Variants in SLIRP observed in about 807,000 individuals in gnomAD.
SLIRP encodes SRA stem-loop-interacting RNA-binding protein, mitochondrial.
Under a neutral mutation model 13.4 loss-of-function variants are expected in SLIRP, and 12 were observed. The ratio of observed to expected loss-of-function variants is 0.89; its 90% confidence interval spans 0.57 to 1.45. The LOEUF (loss-of-function observed/expected upper bound fraction) is 1.45. Among genes scored for constraint, SLIRP ranks in the 40% most tolerant of loss-of-function variants. The pLI, the probability that SLIRP is intolerant of heterozygous loss-of-function variation, is 0.00. For synonymous variants in SLIRP, 55 were observed against 47.1 expected (o/e 1.17, Z -0.69); for missense variants, 154 against 132.2 (o/e 1.17, Z -0.81).
chr14:77,709,331 T>TAG (rs2080422062), intron 1 of SLIRP, among the ~76,000 whole-genome samples: 1 of 152,224 alleles, frequency 6.6e-6, no homozygotes, highest in Non-Finnish European at 1.5e-5. Context: ...TAGTTTCTTC[T>TAG]AAGTTTTTAG....
At chr14:77,708,771 G>A (rs1428349080) in intron 1 of SLIRP, among the ~76,000 whole-genome samples, 2 of 152,180 alleles carry the variant, frequency 1.3e-5, no homozygotes, top group African/African-American at 2.4e-5. Context: ...AAGAGAAGAT[G>A]AGTAAAGTTT....
intron 1 of SLIRP, among the ~76,000 whole-genome samples, chr14:77,710,199 A>G (rs1333762302): frequency 6.6e-6 from 1 of 152,218 alleles, no homozygotes; most frequent in Non-Finnish European, 1.5e-5. Context: ...GTACTGTGAT[A>G]GGAGCCCAAT....
At chr14:77,715,017 G>A (rs140441754) in intron 2 of SLIRP, among the ~76,000 whole-genome samples, 9 of 152,128 alleles carry the variant, frequency 5.9e-5, no homozygotes, top group Middle Eastern at 3.4e-3. Flanking sequence ...GTTGAGTAAG[G>A]GCTAAATATT....
At chr14:77,716,812 A>G (rs965619296) in intron 3 of SLIRP, among the ~76,000 whole-genome samples, 1 of 151,946 alleles carries the variant, frequency 6.6e-6, no homozygotes, top group Non-Finnish European at 1.5e-5. Flanking sequence ...CCCAGGCTAG[A>G]GTGCAATGGT....
At chr14:77,715,939 G>A (rs2080474110) in intron 3 of SLIRP, 60 bp downstream of exon 3, 31 of 1,224,610 alleles carry the variant, frequency 2.5e-5, no homozygotes, top group Non-Finnish European at 3.6e-5. Flanking sequence ...ATTTAATTAT[G>A]TATCAATTAA....
intron 3 of SLIRP, among the ~76,000 whole-genome samples, chr14:77,717,071 C>T (rs572235664): frequency 1.3e-5 from 2 of 152,304 alleles, no homozygotes; most frequent in African/African-American, 4.8e-5. Context: ...GGCCAGCAGT[C>T]TGCTTTTCAG....
intron 2 of SLIRP, among the ~76,000 whole-genome samples, chr14:77,713,189 T>G (rs2080453947): frequency 6.6e-6 from 1 of 152,212 alleles, no homozygotes; most frequent in Non-Finnish European, 1.5e-5. Flanking sequence ...ATTTTCTTTT[T>G]TAGATTTATA....
intron 1 of SLIRP, 65 bp from the exon 2 acceptor site, chr14:77,710,773 C>T: frequency 1.2e-6 from 2 of 1,602,748 alleles, no homozygotes; most frequent in Non-Finnish European, 1.7e-6. Flanking sequence ...CCCTGTCTTT[C>T]TACAGTCTAA....
At chr14:77,717,108 G>C (rs17106259) in intron 3 of SLIRP, among the ~76,000 whole-genome samples, 18,696 of 152,048 alleles carry the variant, frequency 0.12, 1,473 homozygotes, top group African/African-American at 0.22. Flanking sequence ...CTGAAATCTT[G>C]GCTTACCCAC....
chr14:77,710,561 T>G (rs924667962), intron 1 of SLIRP: 3 of 1,447,768 alleles, frequency 2.1e-6, no homozygotes, highest in African/African-American at 2.8e-5. Flanking sequence ...ACAGGGATCA[T>G]AGTCCACATA....
At chr14:77,709,560 T>G (rs951156547) in intron 1 of SLIRP, among the ~76,000 whole-genome samples, 2 of 152,236 alleles carry the variant, frequency 1.3e-5, no homozygotes, top group Non-Finnish European at 2.9e-5. Flanking sequence ...ATGTACAGCT[T>G]CGAAACAGTT....
rs113722412 is a variant in SLIRP, at chr14:77,712,436, G to T, written c.156+1540G>T. ...CTACAGGCATGCGCCACCACGACCGGCTAATTTTTTTTTTTTTTTTTTTTT... is the reference window on the plus strand; with the variant it reads ...CTACAGGCATGCGCCACCACGACCGTCTAATTTTTTTTTTTTTTTTTTTTT... On this transcript the variant is annotated intron_variant, in intron 2 of 3. Transcript: ENST00000557342. Among the ~76,000 whole-genome samples, 774 of 128,566 alleles carry T rather than the reference G, an allele frequency of 6.0e-3. 10 individuals are homozygous for T. Among genetic ancestry groups the T allele is most frequent in the Non-Finnish European group, 7.7e-3 (487 of 63,304 alleles). The allele number at this position is 128,566 out of a possible 152,430, so 84.3% of individuals were successfully genotyped here.
At chr14:77,717,425 T>A in intron 3 of SLIRP, 71 bp from the exon 4 acceptor site, 1 of 1,312,076 alleles carries the variant, frequency 7.6e-7, no homozygotes, top group East Asian at 2.3e-5. Context: ...GACTCCCTAA[T>A]AAAGTGATTT....
intron 1 of SLIRP, 52 bp from the exon 2 acceptor site, chr14:77,710,786 T>C: frequency 1.2e-6 from 2 of 1,609,554 alleles, no homozygotes; most frequent in Non-Finnish European, 1.7e-6. Flanking sequence ...CAGTCTAAGA[T>C]AGAGAATCCA....
chr14:77,711,996 T>C (rs1276784033), intron 2 of SLIRP: 2 of 152,238 alleles, frequency 1.3e-5, no homozygotes, highest in East Asian at 3.9e-4. Flanking sequence ...ACAGTCTTTA[T>C]TGATTACATT....
Position 77,710,866 on chromosome 14 carries a change from C to G in SLIRP, c.126C>G (p.Phe42Leu). The G allele has an allele frequency of 6.2e-7, 1 of 1,613,998 alleles. No homozygotes were observed. The highest frequency in any genetic ancestry group is 8.5e-7 in the Non-Finnish European group (1 of 1,180,004). Residue 42 changes from phenylalanine (F) to leucine (L), a missense_variant, in exon 2 of 4, where the codon TTC becomes TTG. By Grantham distance (22) the Phe-to-Leu change is conservative. Coordinates refer to ENST00000557342, the MANE Select transcript of SLIRP (RefSeq NM_031210.6). ...AGCTGAAAGAACACTTTGCACAGTT[C>G]GGCCATGTCAGAAGGTGCATTTTAC... ...SSQLKEHFAQFGHVRRCILPF... is the reference protein window; with the variant it reads ...SSQLKEHFAQLGHVRRCILPF...
intron 1 of SLIRP, chr14:77,710,624 G>T (rs745584961): frequency 6.6e-7 from 1 of 1,519,024 alleles, no homozygotes; most frequent in Admixed American, 2.0e-5. Context: ...GGAGACTGCA[G>T]CCAACTCAAC....
In SLIRP at chr14:77,708,151, AG is replaced by A. The variant is rs866362316; in HGVS notation, c.41del (p.Arg14LysfsTer10). ...SAARGAAALR[R>X]SINQPVAFVR... is the part of the protein sequence containing the mutation. ...AGCGAGAGGTGCTGCGGCGCTGCGT[AG>A]AAGTATCAATCAGCCGGTTGCTTTT... On this transcript the variant is annotated frameshift_variant, in exon 1 of 4. Transcript: ENST00000557342. LOFTEE classifies it high-confidence loss of function. 39 of 1,614,184 alleles carry A rather than the reference AG, an allele frequency of 2.4e-5. No individual in the cohort carries two copies. Among genetic ancestry groups the A allele is most frequent in the Non-Finnish European group, 3.1e-5 (36 of 1,180,020 alleles).
At chr14:77,715,904 C>A (rs764828966) in intron 3 of SLIRP, 25 bp downstream of exon 3, 69 of 1,513,960 alleles carry the variant, frequency 4.6e-5, no homozygotes, top group Non-Finnish European at 6.1e-5. Context: ...ATGCCAGATA[C>A]ATACATGATA....
Sources: gnomAD v4.1 joint callset for allele counts (sites outside exome capture counted in the v4.1 genomes callset) on GRCh38, gnomAD v4.1.1 for gene constraint, MANE v1.5 for transcripts, NCBI Gene and HGNC (gene_info 2026-07-23, HGNC 2026-07-21) for gene names.